The following NRXN1 variants were observed in gnomAD, a reference collection of about 807,000 sequenced individuals.
NRXN1 encodes neurexin-1.
Under a neutral mutation model 150.9 loss-of-function variants are expected in NRXN1, and 39 were observed. The ratio of observed to expected loss-of-function variants is 0.26; its 90% CI spans 0.20 to 0.34. NRXN1 has a LOEUF of 0.34. Ranked by LOEUF, NRXN1 falls within the 10% of genes least tolerant of loss-of-function variation. NRXN1 has a pLI of 1.00. For synonymous variants in NRXN1, 924 were observed against 757.0 expected, an observed-to-expected ratio of 1.22 and a Z score of -3.62; for missense variants, 1,815 against 1,949.9, an observed-to-expected ratio of 0.93 and a Z score of 1.30.
At chr2:50,439,465 C>T (rs901778080) in intron 17 of NRXN1, among the ~76,000 whole-genome samples, 13 of 152,050 alleles carry the variant, frequency 8.5e-5, no homozygotes, top group African/African-American at 1.7e-4. Flanking sequence ...TTCTGACAGA[C>T]GCAGAGAGCC....
intron 21 of NRXN1, among the ~76,000 whole-genome samples, chr2:50,040,011 G>T (rs1690678125): frequency 6.6e-6 from 1 of 151,998 alleles, no homozygotes; most frequent in Non-Finnish European, 1.5e-5. Context: ...GATTAGTATT[G>T]GATAATATTT....
intron 2 of NRXN1, among the ~76,000 whole-genome samples, chr2:50,994,004 C>G (rs899138305): frequency 6.6e-6 from 1 of 151,870 alleles, no homozygotes; most frequent in Admixed American, 6.6e-5. Context: ...AAATACACAC[C>G]GACAAAACCT....
intron 5 of NRXN1, among the ~76,000 whole-genome samples, chr2:50,800,356 A>G (rs995310060): frequency 1.3e-5 from 2 of 151,964 alleles, no homozygotes; most frequent in Non-Finnish European, 2.9e-5. Context: ...TTTACATTGC[A>G]CTTTGCATTT....
chr2:50,751,729 C>T (rs923710801), intron 5 of NRXN1, among the ~76,000 whole-genome samples: 5 of 151,988 alleles, frequency 3.3e-5, no homozygotes, highest in Non-Finnish European at 7.4e-5. Flanking sequence ...AGCCTACTTA[C>T]CCATGGCCAG....
chr2:50,276,430 T>G (rs900473522), intron 17 of NRXN1, among the ~76,000 whole-genome samples: 7 of 152,154 alleles, frequency 4.6e-5, no homozygotes, highest in Non-Finnish European at 1.0e-4. Context: ...ATTAAGTTTG[T>G]TGCTTTAAAG....
At chr2:49,979,460 T>C (rs1679594788) in intron 21 of NRXN1, among the ~76,000 whole-genome samples, 1 of 152,218 alleles carries the variant, frequency 6.6e-6, no homozygotes. Context: ...TGAGTATTTA[T>C]AGGTTATGAA....
intron 18 of NRXN1, among the ~76,000 whole-genome samples, chr2:50,171,358 T>C (rs1285989694): frequency 6.6e-6 from 1 of 152,198 alleles, no homozygotes; most frequent in Non-Finnish European, 1.5e-5. Context: ...TCATATTTTC[T>C]ATTCTATTTC....
At chr2:50,969,510 A>G (rs1465600735) in intron 2 of NRXN1, among the ~76,000 whole-genome samples, 3 of 152,202 alleles carry the variant, frequency 2.0e-5, no homozygotes, top group Admixed American at 6.6e-5. Context: ...ATAGGTATTA[A>G]TATCTTTCAG....
At chr2:50,952,925 G>A (rs1289370440) in intron 2 of NRXN1, among the ~76,000 whole-genome samples, 1 of 152,154 alleles carries the variant, frequency 6.6e-6, no homozygotes, top group Admixed American at 6.6e-5. Context: ...GAAGTGAATC[G>A]TTTCTTATGC....
intron 17 of NRXN1, among the ~76,000 whole-genome samples, chr2:50,306,614 A>C (rs1441840390): frequency 6.6e-6 from 1 of 152,222 alleles, no homozygotes; most frequent in South Asian, 2.1e-4. Context: ...TTCCCCTTTC[A>C]AAGAAACATT....
At chr2:50,930,996 C>G (rs2104389807) in intron 2 of NRXN1, among the ~76,000 whole-genome samples, 1 of 152,266 alleles carries the variant, frequency 6.6e-6, no homozygotes, top group East Asian at 1.9e-4. Context: ...TACACCCTAC[C>G]TACTTTCCCA....
At chr2:50,508,464 A>G (rs139634812) in intron 12 of NRXN1, among the ~76,000 whole-genome samples, 2 of 152,268 alleles carry the variant, frequency 1.3e-5, no homozygotes, top group African/African-American at 4.8e-5. Flanking sequence ...GAAGTGTTTA[A>G]TAACTCTGCA....
chr2:50,861,151 T>C (rs895519195), intron 5 of NRXN1, among the ~76,000 whole-genome samples: 2 of 152,034 alleles, frequency 1.3e-5, no homozygotes, highest in Non-Finnish European at 2.9e-5. Flanking sequence ...TGAGATATCA[T>C]CTTGTGTGTT....
chr2:50,233,540 G>T (rs1047030045), intron 18 of NRXN1, among the ~76,000 whole-genome samples: 10 of 151,934 alleles, frequency 6.6e-5, no homozygotes, highest in African/African-American at 2.4e-4. Context: ...CAATGATGGA[G>T]CATCTCTTAA....
rs181407659 is a variant in NRXN1 at position 50,541,942 on chromosome 2, T to C, written c.1760-3306A>G. On this transcript the variant is annotated intron_variant, in intron 9 of 22. Coordinates refer to ENST00000401669, the MANE Select transcript of NRXN1 (RefSeq NM_001330078.2). Reference sequence around the variant, plus strand: ...TATCATAAAGAGTAAGTTTCTCCCATAGTTCCCTATTGTCCCTTTGAGAGA... The same window carrying C: ...TATCATAAAGAGTAAGTTTCTCCCACAGTTCCCTATTGTCCCTTTGAGAGA... Among the ~76,000 whole-genome samples the C allele has an allele frequency of 1.2e-3, 182 of 152,288 alleles. 4 individuals carry two copies. In the South Asian group the frequency reaches 0.017, roughly 14 times the overall value.
intron 21 of NRXN1, among the ~76,000 whole-genome samples, chr2:49,968,606 G>A (rs1677375172): frequency 6.6e-6 from 1 of 151,980 alleles, no homozygotes; most frequent in Non-Finnish European, 1.5e-5. Context: ...TACCTGATTT[G>A]ACCTGATTTT....
intron 2 of NRXN1, chr2:51,026,340 C>T (rs1348066408): frequency 7.1e-7 from 1 of 1,418,032 alleles, no homozygotes; most frequent in Admixed American, 1.9e-5. Context: ...TACTTAGCCA[C>T]TGATTCGTCT....
At chr2:50,660,271 A>T (rs1236250047) in intron 5 of NRXN1, among the ~76,000 whole-genome samples, 2 of 152,050 alleles carry the variant, frequency 1.3e-5, no homozygotes, top group Non-Finnish European at 2.9e-5. Context: ...GTAAGATAAC[A>T]GAGGTAATAA....
At chr2:50,124,020 G>T (rs1704226044) in intron 18 of NRXN1, among the ~76,000 whole-genome samples, 1 of 152,108 alleles carries the variant, frequency 6.6e-6, no homozygotes, top group Non-Finnish European at 1.5e-5. Flanking sequence ...CAGGGGAGTG[G>T]CTATAAATAG....
Sources: allele counts gnomAD v4.1 joint callset (sites outside exome capture counted in the v4.1 genomes callset), GRCh38; gene constraint gnomAD v4.1.1; transcripts MANE v1.5; gene names NCBI Gene and HGNC (gene_info 2026-07-23, HGNC 2026-07-21).